NAXD: variants seen among roughly 807,000 people sequenced by gnomAD.
NAXD encodes the protein NAD(P)HX dehydratase, also known as ATP-dependent (S)-NAD(P)H-hydrate dehydratase.
Under a neutral mutation model 35.8 loss-of-function variants are expected in NAXD, and 22 were observed. That is an observed-to-expected ratio of 0.62 (90% CI 0.44 to 0.88). NAXD has a LOEUF of 0.88. Among genes scored for constraint, NAXD ranks in the 40% least tolerant of loss-of-function variants. The pLI, the probability that NAXD is intolerant of heterozygous loss-of-function variation, is 0.00. For missense variants in NAXD, 428 were observed against 437.7 expected (o/e 0.98, Z 0.20); for synonymous variants, 189 against 177.6 (o/e 1.06, Z -0.51).
chr13:110,635,432 A>G, intron 7 of NAXD, 36 bp from the exon 8 acceptor site: 1 of 1,606,532 alleles, frequency 6.2e-7, no homozygotes, highest in Non-Finnish European at 8.5e-7. Context: ...TCTGAGGAAG[A>G]CTTTGCTTTT....
rs542811121 is a variant in NAXD, at chr13:110,632,576, T to C, written c.442-1969T>C. Among the ~76,000 whole-genome samples, 5 of 152,062 alleles carry C rather than the reference T, an allele frequency of 3.3e-5. No homozygotes were observed. The East Asian group carries it at 5.8e-4, about 18-fold the overall frequency. On this transcript the variant is annotated intron_variant, in intron 5 of 9. Transcript: ENST00000680254. ...AAGGTTCTCCACGTCCCCATCAGAT[T>C]AGTTAGATACAGAGTTTCGACACAC... is the stretch of plus-strand genomic sequence containing the variant.
At chr13:110,615,495 C>A, upstream of NAXD, 2 of 1,079,792 alleles carry the variant, frequency 1.9e-6, no homozygotes, top group Non-Finnish European at 2.5e-6. Context: ...AGTTGGGATC[C>A]CACTGCCGAC....
At chr13:110,616,955 A>C (rs559318193) in intron 1 of NAXD, among the ~76,000 whole-genome samples, 1 of 152,232 alleles carries the variant, frequency 6.6e-6, no homozygotes, top group Non-Finnish European at 1.5e-5. Context: ...AGGGTACTCT[A>C]CACTGCACCT....
chr13:110,616,890 G>GT lies in NAXD; in HGVS notation c.46+1246dup, dbSNP rs554970343. On this transcript the variant is annotated intron_variant, in intron 1 of 9. Coordinates refer to ENST00000680254, the MANE Select transcript of NAXD (RefSeq NM_001242882.2). ...TGTGTATGTTGGGCATCGTCAGAGA[G>GT]TTTGGCTTTTTGTTTTCATCAGCAC... is the stretch of plus-strand genomic sequence containing the variant. Among the ~76,000 whole-genome samples the GT allele has an allele frequency of 1.7e-4, 26 of 152,360 alleles. No homozygotes were observed. The South Asian group carries it at 5.4e-3, about 32-fold the overall frequency.
chr13:110,622,259 G>A lies in NAXD; in HGVS notation c.90G>A (p.Lys30=). The A allele has an allele frequency of 1.2e-6, 2 of 1,614,122 alleles. No individual in the cohort carries two copies. Among genetic ancestry groups the A allele is most frequent in the Non-Finnish European group, 8.5e-7 (1 of 1,179,992 alleles). The change falls in exon 2 of 10, where the codon AAG becomes AAA. Residue 30 remains lysine (K), a synonymous_variant. Transcript: ENST00000680254. ...CGCTACGTAAAGCACATTCGATAAA[G>A]GATATGGAAAATACTTTGCAGCTGG... The part of the protein sequence containing the change: ...AFSLRKAHSI[K]DMENTLQLVR...
chr13:110,626,338 C>T (rs1594174717), intron 4 of NAXD, among the ~76,000 whole-genome samples: 2 of 152,182 alleles, frequency 1.3e-5, no homozygotes, highest in African/African-American at 4.8e-5. Flanking sequence ...ACAGACTCCA[C>T]CAAGGGTTTT....
intron 1 of NAXD, chr13:110,616,389 C>T (rs891471089): frequency 1.3e-5 from 2 of 152,742 alleles, no homozygotes; most frequent in African/African-American, 2.4e-5. Context: ...CTCCACCAGC[C>T]AGGCCTCCTT....
chr13:110,617,336 C>G (rs1316133175), intron 1 of NAXD, among the ~76,000 whole-genome samples: 1 of 152,220 alleles, frequency 6.6e-6, no homozygotes, highest in African/African-American at 2.4e-5. Context: ...CAAATTTAAC[C>G]TGTTCTTCCA....
intron 7 of NAXD, 63 bp from the exon 8 acceptor site, chr13:110,635,405 C>G: frequency 6.3e-7 from 1 of 1,578,270 alleles, no homozygotes; most frequent in Admixed American, 1.7e-5. Context: ...TGGGACAGGG[C>G]TATCTGTCGT....
At chr13:110,637,287 T>C (rs1462421151) in intron 9 of NAXD, 38 bp downstream of exon 9, 1 of 1,612,172 alleles carries the variant, frequency 6.2e-7, no homozygotes, top group African/African-American at 1.3e-5. Flanking sequence ...TTTGAAACCG[T>C]CTGATTTTTC....
rs777523753 is a variant in NAXD at position 110,634,747 on chromosome 13, G to C, written c.568G>C (p.Val190Leu). 2.5e-6 allele frequency: 4 copies of C among 1,613,848 alleles called. No individual in the cohort carries two copies. The highest frequency in any genetic ancestry group is 2.5e-6 in the Non-Finnish European group (3 of 1,179,934). ...GAAGGCTGTGCTCACTCCCAACCAC[G>C]TGGAGTTCAGCAGACTGTATGACGC... Reference protein sequence around the residue: ...YRKAVLTPNHVEFSRLYDAVL... With the variant: ...YRKAVLTPNHLEFSRLYDAVL... The change falls in exon 7 of 10, where the codon GTG (valine) becomes CTG (leucine). Residue 190 changes from valine (V) to leucine (L), a missense_variant. By Grantham distance (32) the Val-to-Leu change is conservative. Coordinates refer to ENST00000680254, the MANE Select transcript of NAXD (RefSeq NM_001242882.2).
At chr13:110,622,158 A>T (rs922599120) in intron 1 of NAXD, 58 bp from the exon 2 acceptor site, 1 of 1,445,778 alleles carries the variant, frequency 6.9e-7, no homozygotes, top group Non-Finnish European at 9.4e-7. Flanking sequence ...ATGGGCTATT[A>T]TGTGTACTAA....
At chr13:110,617,488 C>T (rs763246985) in intron 1 of NAXD, among the ~76,000 whole-genome samples, 6 of 152,166 alleles carry the variant, frequency 3.9e-5, no homozygotes, top group Non-Finnish European at 7.3e-5. Flanking sequence ...CAAATGGTGA[C>T]GTCAGTAAGC....
At chr13:110,635,419 G>C in intron 7 of NAXD, 49 bp from the exon 8 acceptor site, 2 of 1,599,102 alleles carry the variant, frequency 1.3e-6, no homozygotes, top group Non-Finnish European at 1.7e-6. Context: ...CTGTCGTCGT[G>C]TGTCTGAGGA....
At position 110,615,648 on chromosome 13, in the gene NAXD, G is replaced by T. The variant is rs1886018004; in HGVS notation, c.46+1G>T. 4.0e-6 allele frequency: 6 copies of T among 1,504,038 alleles called. No individual in the cohort carries two copies. Among genetic ancestry groups the T allele is most frequent in the Non-Finnish European group, 5.3e-6 (6 of 1,132,010 alleles). The allele number at this position is 1,504,038 out of a possible 1,614,324, so 93.2% of individuals were successfully genotyped here. A position where few individuals can be genotyped will look rare whatever the true frequency, so the allele number is the denominator to read the frequency against. ...GGGGCAATCCGGGCTTGCAGACGAG[G>T]TAAGGTCGATTCCATTTGGCCCGGG... On this transcript the variant is annotated splice_donor_variant, in intron 1 of 9. Coordinates refer to ENST00000680254, the MANE Select transcript of NAXD (RefSeq NM_001242882.2). LOFTEE classifies it high-confidence loss of function.
At chr13:110,624,422 A>G (rs1382332477) in intron 3 of NAXD, 143 bp downstream of exon 3, 3 of 606,510 alleles carry the variant, frequency 4.9e-6, no homozygotes, top group Non-Finnish European at 8.8e-6. Context: ...CGTTAAGTCT[A>G]TCCTGACATC....
chr13:110,638,130 C>T lies in NAXD; in HGVS notation c.840-248C>T, dbSNP rs1049840674. On this transcript the variant is annotated intron_variant, in intron 9 of 9. Coordinates refer to ENST00000680254, the MANE Select transcript of NAXD (RefSeq NM_001242882.2). The surrounding 1 kb of genome is among the most constrained non-coding windows in gnomAD (Gnocchi z 5.4). ...CGGGAACACCTGGCCCACTGTGTGC[C>T]CTAGCCCTGGACCTGTCTCCGAGTA... 1.7e-5 allele frequency: 19 copies of T among 1,106,812 alleles called. No homozygotes were observed. The Middle Eastern group carries it at 9.0e-4, about 53-fold the overall frequency. The allele number at this position is 1,106,812 out of a possible 1,614,324, so 68.6% of individuals were successfully genotyped here. A position where few individuals can be genotyped will look rare whatever the true frequency, so the allele number is the denominator to read the frequency against.
At position 110,639,275 on chromosome 13, in the gene NAXD, G is replaced by A. The variant is rs11551105; in HGVS notation, c.*747G>A. On this transcript the variant is annotated 3_prime_UTR_variant, in exon 10 of 10. Transcript: ENST00000680254. ...CACAGGGGTCCCCATGATACCCACC[G>A]GCCCCAGCAGGGCAGACCGGACCGG... The A allele has an allele frequency of 0.11, 17,271 of 155,342 alleles. 1,082 individuals are homozygous for A. The highest frequency in any genetic ancestry group is 0.16 in the Middle Eastern group (48 of 294). The allele number at this position is 155,342 out of a possible 1,614,324, so 9.6% of individuals were successfully genotyped here.
chr13:110,631,774 C>T (rs1010680066), intron 5 of NAXD, among the ~76,000 whole-genome samples: 1 of 152,110 alleles, frequency 6.6e-6, no homozygotes, highest in Non-Finnish European at 1.5e-5. Flanking sequence ...TAATAAACTT[C>T]CATGAAGTCT....
Sources: allele counts gnomAD v4.1 joint callset (sites outside exome capture counted in the v4.1 genomes callset), GRCh38; gene constraint gnomAD v4.1.1; non-coding constraint Gnocchi (gnomAD v3.1); transcripts MANE v1.5; gene names NCBI Gene and HGNC (gene_info 2026-07-23, HGNC 2026-07-21).